FAT3: variants seen among roughly 807,000 people sequenced by gnomAD.
FAT3 encodes the protein FAT atypical cadherin 3.
Under a neutral mutation model 310.2 loss-of-function variants are expected in FAT3, and 95 were observed. That is an observed-to-expected ratio of 0.31 (90% confidence interval 0.26 to 0.36). FAT3 has a LOEUF of 0.36. FAT3 is among the 10% of genes least tolerant of loss of function. The pLI, the probability that FAT3 is intolerant of heterozygous loss-of-function variation, is 1.00. For synonymous variants in FAT3, 2,314 were observed against 2,192.9 expected (o/e 1.06, Z -1.54); for missense variants, 5,408 against 5,715.6 (o/e 0.95, Z 1.74).
chr11:92,303,345 C>G (rs1222197127), intron 1 of FAT3, among the ~76,000 whole-genome samples: 1 of 151,998 alleles, frequency 6.6e-6, no homozygotes, highest in African/African-American at 2.4e-5. Context: ...ACATGATAAG[C>G]ATTATTTTCT....
chr11:92,741,036 G>T (rs1453087355), intron 4 of FAT3, among the ~76,000 whole-genome samples: 1 of 151,966 alleles, frequency 6.6e-6, no homozygotes, highest in Non-Finnish European at 1.5e-5. Context: ...AGAGAACTCA[G>T]AAAGATATAT....
intron 2 of FAT3, among the ~76,000 whole-genome samples, chr11:92,517,373 A>T (rs1424984337): frequency 1.3e-5 from 2 of 152,182 alleles, no homozygotes; most frequent in Admixed American, 6.5e-5. Context: ...AAAACAAGTC[A>T]TAGATTCCCT....
rs1370605576 is a variant in FAT3 at position 92,352,973 on chromosome 11, T to A, written c.861T>A (p.Val287=). The A allele has an allele frequency of 6.2e-7, 1 of 1,613,892 alleles. No homozygotes were observed. Among genetic ancestry groups the A allele is most frequent in the Admixed American group, 1.7e-5 (1 of 59,954 alleles). ...AGCCAACATATGCAGTGGTGACAGT[T>A]GATGACTTAGATGATGGAGCGAATG... The part of the protein sequence containing the change: ...EKEPTYAVVT[V]DDLDDGANGE... Residue 287 remains valine (V), a synonymous_variant, in exon 2 of 28, where the codon GTT becomes GTA. Transcript: ENST00000525166.
At chr11:92,392,559 ATGCTGC>A (rs1591217606) in intron 2 of FAT3, among the ~76,000 whole-genome samples, 1 of 151,944 alleles carries the variant, frequency 6.6e-6, no homozygotes, top group African/African-American at 2.4e-5. Context: ...TCTATACTAA[ATGCTGC>A]TCCCTTGAAG....
chr11:92,516,184 A>G (rs1953476344), intron 2 of FAT3, among the ~76,000 whole-genome samples: 1 of 152,178 alleles, frequency 6.6e-6, no homozygotes, highest in South Asian at 2.1e-4. Context: ...AGACACAACA[A>G]AAAAAGAAAA....
At chr11:92,328,310 T>A (rs572802996) in intron 1 of FAT3, among the ~76,000 whole-genome samples, 3 of 152,174 alleles carry the variant, frequency 2.0e-5, no homozygotes, top group Non-Finnish European at 4.4e-5. Context: ...GATGCTATAC[T>A]TCAGGGATAT....
At chr11:92,876,010 TA>T (rs1293532854) in intron 22 of FAT3, among the ~76,000 whole-genome samples, 4 of 152,194 alleles carry the variant, frequency 2.6e-5, no homozygotes, top group African/African-American at 9.7e-5. Context: ...GATAGTGATT[TA>T]AATGTCCCTC....
rs1012563627 is a variant in FAT3 at position 92,744,616 on chromosome 11, G to A, written c.3670-17240G>A. ...TTCTAAGAAAATCTTCTGCACAACC[G>A]TGATGATGAATGATAACTGACATTG... On this transcript the variant is annotated intron_variant, in intron 4 of 27. Transcript: ENST00000525166. Among the ~76,000 whole-genome samples the A allele has an allele frequency of 5.9e-5, 9 of 152,256 alleles. No homozygotes were observed. In the South Asian group the frequency reaches 1.0e-3, roughly 18 times the overall value.
chr11:92,515,874 T>C (rs1467069806), intron 2 of FAT3, among the ~76,000 whole-genome samples: 1 of 152,104 alleles, frequency 6.6e-6, no homozygotes, highest in African/African-American at 2.4e-5. Flanking sequence ...TGTTTGGAGA[T>C]GATATGATCA....
At chr11:92,615,505 C>T (rs1454618341) in intron 3 of FAT3, among the ~76,000 whole-genome samples, 1 of 152,194 alleles carries the variant, frequency 6.6e-6, no homozygotes, top group African/African-American at 2.4e-5. Flanking sequence ...CCTCAGCCTC[C>T]CGAAGTGCTG....
At chr11:92,257,715 T>G (rs1175034472) in intron 1 of FAT3, among the ~76,000 whole-genome samples, 2 of 152,078 alleles carry the variant, frequency 1.3e-5, no homozygotes, top group Non-Finnish European at 2.9e-5. Flanking sequence ...ATTACATAAC[T>G]CGATTTGTCC....
intron 2 of FAT3, among the ~76,000 whole-genome samples, chr11:92,510,609 ATG>A (rs1442613445): frequency 6.6e-6 from 1 of 152,202 alleles, no homozygotes; most frequent in Non-Finnish European, 1.5e-5. Context: ...AGAAGCAAGT[ATG>A]TGTTTTCTGA....
intron 3 of FAT3, among the ~76,000 whole-genome samples, chr11:92,693,236 A>G (rs1475291382): frequency 6.6e-6 from 1 of 152,206 alleles, no homozygotes; most frequent in Non-Finnish European, 1.5e-5. Context: ...ATGTAATTAT[A>G]TCAAATGATG....
intron 3 of FAT3, among the ~76,000 whole-genome samples, chr11:92,621,791 G>T (rs1046836529): frequency 5.3e-5 from 8 of 152,150 alleles, no homozygotes; most frequent in Non-Finnish European, 7.3e-5. Flanking sequence ...GTATATGCTT[G>T]TAATAAAAGC....
chr11:92,402,529 A>T (rs2134872639), intron 2 of FAT3, among the ~76,000 whole-genome samples: 1 of 152,174 alleles, frequency 6.6e-6, no homozygotes, highest in African/African-American at 2.4e-5. Context: ...CAGGAGTTCC[A>T]GACCAGCCTA....
chr11:92,732,659 C>T (rs1164973816), intron 4 of FAT3, among the ~76,000 whole-genome samples: 1 of 152,144 alleles, frequency 6.6e-6, no homozygotes, highest in Non-Finnish European at 1.5e-5. Flanking sequence ...AATTATGTCT[C>T]AATGTCCATA....
chr11:92,758,315 A>G (rs1336214141), intron 4 of FAT3, among the ~76,000 whole-genome samples: 1 of 152,218 alleles, frequency 6.6e-6, no homozygotes, highest in African/African-American at 2.4e-5. Context: ...CTATACACAT[A>G]GTGGCATAGA....
chr11:92,534,580 G>A (rs1954187300), intron 3 of FAT3, among the ~76,000 whole-genome samples: 1 of 152,140 alleles, frequency 6.6e-6, no homozygotes, highest in South Asian at 2.1e-4. Context: ...ACCTTATTTG[G>A]TAAGGAAGAT....
chr11:92,692,373 A>G (rs1430566747), intron 3 of FAT3, among the ~76,000 whole-genome samples: 1 of 152,246 alleles, frequency 6.6e-6, no homozygotes. Flanking sequence ...GGAATACAAC[A>G]TGAATAAGAT....
Sources: allele counts gnomAD v4.1 joint callset (sites outside exome capture counted in the v4.1 genomes callset), GRCh38; gene constraint gnomAD v4.1.1; transcripts MANE v1.5; gene names NCBI Gene and HGNC (gene_info 2026-07-23, HGNC 2026-07-21).